The following IL1RAPL1 variants were observed in gnomAD, a reference collection of about 807,000 sequenced individuals.
The protein encoded by IL1RAPL1 is interleukin-1 receptor accessory protein-like 1.
Under a neutral mutation model 48.4 loss-of-function variants are expected in IL1RAPL1, and 3 were observed. The observed-to-expected ratio is 0.06, with a 90% CI of 0.03 to 0.16. The LOEUF is 0.16. IL1RAPL1 is among the 10% of genes least tolerant of loss of function. IL1RAPL1 has a pLI of 1.00. For missense variants in IL1RAPL1, 349 were observed against 530.6 expected (o/e 0.66, Z 3.36); for synonymous variants, 185 against 187.7 (o/e 0.99, Z 0.12).
At chrX:29,655,461 G>A (rs184534124) in intron 5 of IL1RAPL1, among the ~76,000 whole-genome samples, 2,479 of 110,279 alleles carry the variant, frequency 0.022, 88 homozygotes, top group Admixed American at 0.13. Context: ...ACAGGAGTTC[G>A]AGACCAGCCT....
chrX:29,088,430 C>G (rs955917818), intron 2 of IL1RAPL1, among the ~76,000 whole-genome samples: 2 of 109,770 alleles, frequency 1.8e-5, no homozygotes, highest in Non-Finnish European at 3.8e-5. Flanking sequence ...AATCCCAGCA[C>G]TTTGGGAGGC....
At chrX:29,243,394 C>T (rs1037136818) in intron 2 of IL1RAPL1, among the ~76,000 whole-genome samples, 6 of 111,781 alleles carry the variant, frequency 5.4e-5, no homozygotes, top group African/African-American at 2.0e-4. Flanking sequence ...ATCACAAGTC[C>T]TCATGCTCTC....
chrX:28,683,662 G>A (rs912601050), intron 1 of IL1RAPL1, among the ~76,000 whole-genome samples: 5 of 112,223 alleles, frequency 4.5e-5, no homozygotes, highest in African/African-American at 6.5e-5. Context: ...TACTCTTCTG[G>A]AAGTGAGAAG....
intron 5 of IL1RAPL1, among the ~76,000 whole-genome samples, chrX:29,576,914 C>A (rs1037741533): frequency 6.3e-5 from 7 of 110,401 alleles, no homozygotes; most frequent in Non-Finnish European, 1.1e-4. Context: ...AAAAAATCCT[C>A]AGTAAATTTT....
chrX:29,447,484 A>T (rs971407793), intron 5 of IL1RAPL1, among the ~76,000 whole-genome samples: 1 of 112,109 alleles, frequency 8.9e-6, no homozygotes, highest in Non-Finnish European at 1.9e-5. Flanking sequence ...TTACAATAAG[A>T]TATCTTTGTA....
At chrX:29,087,187 G>C (rs924455975) in intron 2 of IL1RAPL1, among the ~76,000 whole-genome samples, 3 of 102,498 alleles carry the variant, frequency 2.9e-5, no homozygotes, top group Admixed American at 1.1e-4. Context: ...CGCCAGGCTG[G>C]AGTGCAGTGG....
intron 5 of IL1RAPL1, among the ~76,000 whole-genome samples, chrX:29,519,270 G>A (rs769219590): frequency 3.6e-5 from 4 of 111,606 alleles, no homozygotes; most frequent in East Asian, 2.8e-4. Context: ...AGGACCGTGC[G>A]AGAGGTCCAA....
At chrX:29,837,300 T>TACACACACACACAC (rs144007476) in intron 6 of IL1RAPL1, among the ~76,000 whole-genome samples, 52 of 55,604 alleles carry the variant, frequency 9.4e-4, no homozygotes, top group African/African-American at 3.7e-3. Context: ...TATATATATA[T>TACACACACACACAC]ACACACACAC....
chrX:28,768,755 C>CTATATATATATATATATA (rs1207885215), intron 1 of IL1RAPL1, among the ~76,000 whole-genome samples: 4 of 34,875 alleles, frequency 1.1e-4, no homozygotes, highest in Admixed American at 4.6e-4. Context: ...CTCTCTCTCT[C>CTATATATATATATATATA]TATATATATA....
At chrX:28,726,092 A>G (rs1935673312) in intron 1 of IL1RAPL1, among the ~76,000 whole-genome samples, 1 of 112,062 alleles carries the variant, frequency 8.9e-6, no homozygotes, top group African/African-American at 3.2e-5. Context: ...ATACATGGTT[A>G]ATAATAGGTT....
chrX:29,176,153 G>A (rs1451187914), intron 2 of IL1RAPL1, among the ~76,000 whole-genome samples: 1 of 102,130 alleles, frequency 9.8e-6, no homozygotes. Flanking sequence ...AAGTGCAGTG[G>A]TGCGATCTCG....
At chrX:29,328,668 CAG>C (rs911772524) in intron 3 of IL1RAPL1, among the ~76,000 whole-genome samples, 13 of 101,990 alleles carry the variant, frequency 1.3e-4, no homozygotes, top group East Asian at 3.1e-4. Context: ...GAGAGAGAGA[CAG>C]AGAGAGAGAG....
intron 3 of IL1RAPL1, among the ~76,000 whole-genome samples, chrX:29,386,636 A>G (rs1180377094): frequency 2.8e-5 from 3 of 108,149 alleles, no homozygotes; most frequent in Non-Finnish European, 3.8e-5. Context: ...TCTGCTTCCA[A>G]GGCTCAGGTG....
intron 5 of IL1RAPL1, among the ~76,000 whole-genome samples, chrX:29,448,751 C>A (rs190904857): frequency 0.011 from 1,192 of 111,586 alleles, 23 homozygotes; most frequent in African/African-American, 0.037. Flanking sequence ...CACAACAATA[C>A]CATAGACTGG....
chrX:29,787,923 G>T (rs903796591), intron 6 of IL1RAPL1, among the ~76,000 whole-genome samples: 2 of 111,892 alleles, frequency 1.8e-5, no homozygotes, highest in African/African-American at 6.5e-5. Context: ...TAGAAAGTTT[G>T]TTTTGCCAGA....
intron 2 of IL1RAPL1, among the ~76,000 whole-genome samples, chrX:29,248,232 A>G (rs1202482602): frequency 9.0e-6 from 1 of 111,339 alleles, no homozygotes; most frequent in Non-Finnish European, 1.9e-5. Flanking sequence ...CCTGGCCAAC[A>G]TAGCGAAACC....
chrX:28,782,067 A>G (rs1193649459), intron 1 of IL1RAPL1, among the ~76,000 whole-genome samples: 1 of 111,411 alleles, frequency 9.0e-6, no homozygotes, highest in Non-Finnish European at 1.9e-5. Flanking sequence ...TGTAATATTT[A>G]GTGACTGTAT....
intron 3 of IL1RAPL1, among the ~76,000 whole-genome samples, chrX:29,327,586 ATACT>A (rs2147630745): frequency 9.9e-6 from 1 of 101,191 alleles, no homozygotes; most frequent in African/African-American, 3.6e-5. Flanking sequence ...ACCATACTAG[ATACT>A]TAATATGCTG....
chrX:29,497,757 A>G (rs1437883451), intron 5 of IL1RAPL1, among the ~76,000 whole-genome samples: 3 of 98,839 alleles, frequency 3.0e-5, no homozygotes, highest in Non-Finnish European at 6.1e-5. Context: ...GAGATACATT[A>G]TGCCATTTAT....
Sources: gnomAD v4.1 joint callset for allele counts (sites outside exome capture counted in the v4.1 genomes callset) on GRCh38, gnomAD v4.1.1 for gene constraint, MANE v1.5 for transcripts, NCBI Gene and HGNC (gene_info 2026-07-23, HGNC 2026-07-21) for gene names.